Variants in EXTL3 observed in about 807,000 individuals in gnomAD.
The protein encoded by EXTL3 is exostosin like glycosyltransferase 3.
In EXTL3, 27 loss-of-function variants were observed where a neutral mutation model predicts 69.3. That is an observed-to-expected ratio of 0.39 (90% CI 0.29 to 0.54). The LOEUF (loss-of-function observed/expected upper bound fraction) is 0.54. EXTL3 is among the 20% of genes least tolerant of loss of function. EXTL3 has a pLI of 0.69. For missense variants in EXTL3, 1,003 were observed against 1,231.8 expected, an observed-to-expected ratio of 0.81 and a Z score of 2.78; for synonymous variants, 511 against 499.4, an observed-to-expected ratio of 1.02 and a Z score of -0.31.
chr8:28,692,267 C>T (rs1800625949), intron 1 of EXTL3, among the ~76,000 whole-genome samples: 1 of 152,134 alleles, frequency 6.6e-6, no homozygotes, highest in Non-Finnish European at 1.5e-5. Flanking sequence ...GAAATATGGT[C>T]ACATTTTCAT....
chr8:28,710,547 ATAT>A (rs1207710435), intron 1 of EXTL3: 1 of 449,742 alleles, frequency 2.2e-6, no homozygotes, highest in East Asian at 7.0e-5. Flanking sequence ...GATTACCCTA[ATAT>A]TGTGTTAAGT....
intron 1 of EXTL3, among the ~76,000 whole-genome samples, chr8:28,712,628 C>T (rs565873248): frequency 5.9e-5 from 9 of 152,132 alleles, no homozygotes; most frequent in African/African-American, 1.2e-4. Context: ...TGAGGGTATC[C>T]TTTTTCTTTT....
chr8:28,719,829 G>A (rs1801258414), intron 3 of EXTL3, among the ~76,000 whole-genome samples: 1 of 152,190 alleles, frequency 6.6e-6, no homozygotes, highest in African/African-American at 2.4e-5. Context: ...TGATAGGGAT[G>A]TAGAGAAGCT....
chr8:28,616,900 G>C (rs1806338975), intron 2 of EXTL3, among the ~76,000 whole-genome samples: 1 of 152,162 alleles, frequency 6.6e-6, no homozygotes, highest in South Asian at 2.1e-4. Context: ...GGACTTCCAG[G>C]CTTATTCTCA....
chr8:28,624,073 A>G (rs1406375875), intron 1 of EXTL3, among the ~76,000 whole-genome samples: 2 of 152,186 alleles, frequency 1.3e-5, no homozygotes, highest in African/African-American at 4.8e-5. Context: ...AATTGTTCTC[A>G]CCTTACCTAT....
chr8:28,704,718 A>T (rs762723993), intron 1 of EXTL3, among the ~76,000 whole-genome samples: 21 of 151,484 alleles, frequency 1.4e-4, no homozygotes, highest in Middle Eastern at 3.4e-3. Context: ...CGCCCAGGCT[A>T]GAGTGCAATG....
intron 1 of EXTL3, among the ~76,000 whole-genome samples, chr8:28,695,202 T>C (rs7013330): frequency 0.012 from 1,846 of 149,912 alleles, 41 homozygotes; most frequent in African/African-American, 0.042. Context: ...GCATCTTGGC[T>C]CACTGCAACC....
chr8:28,679,123 G>A (rs1294681484), intron 1 of EXTL3, among the ~76,000 whole-genome samples: 1 of 152,136 alleles, frequency 6.6e-6, no homozygotes, highest in African/African-American at 2.4e-5. Flanking sequence ...AAACCAAAGG[G>A]TCATTTTCTA....
chr8:28,638,496 G>T (rs886899130), intron 1 of EXTL3, among the ~76,000 whole-genome samples: 2 of 152,106 alleles, frequency 1.3e-5, no homozygotes, highest in African/African-American at 2.4e-5. Context: ...CCACTCTCAG[G>T]CAGCCTCTTT....
intron 1 of EXTL3, among the ~76,000 whole-genome samples, chr8:28,693,156 T>TC: frequency 6.6e-6 from 1 of 151,600 alleles, no homozygotes; most frequent in Admixed American, 6.6e-5. Flanking sequence ...AGATTTTTTT[T>TC]TTTTTTTTTT....
intron 1 of EXTL3, among the ~76,000 whole-genome samples, chr8:28,654,666 T>C (rs1806977545): frequency 6.6e-6 from 1 of 152,248 alleles, no homozygotes; most frequent in South Asian, 2.1e-4. Flanking sequence ...TCATCTCTAA[T>C]ACCATCTTCT....
At chr8:28,639,548 C>T (rs1397279119) in intron 1 of EXTL3, among the ~76,000 whole-genome samples, 1 of 152,204 alleles carries the variant, frequency 6.6e-6, no homozygotes, top group Non-Finnish European at 1.5e-5. Context: ...CTGCCTGCTG[C>T]GGCTCCTGCC....
chr8:28,747,632 G>A (rs572030320), intron 6 of EXTL3, among the ~76,000 whole-genome samples: 42 of 151,810 alleles, frequency 2.8e-4, no homozygotes, highest in African/African-American at 1.0e-3. Context: ...TTGGTTCTCT[G>A]GTATCCTGTC....
At chr8:28,722,774 TAAAAAAAAAAAA>T (rs397711641) in intron 3 of EXTL3, among the ~76,000 whole-genome samples, 3 of 97,604 alleles carry the variant, frequency 3.1e-5, no homozygotes, top group African/African-American at 8.1e-5. Flanking sequence ...ACCCTGTCTC[TAAAAAAAAAAAA>T]AAAAAAAAAA....
intron 6 of EXTL3, among the ~76,000 whole-genome samples, chr8:28,748,517 G>A (rs1801936312): frequency 6.6e-6 from 1 of 152,128 alleles, no homozygotes; most frequent in Non-Finnish European, 1.5e-5. Flanking sequence ...CAGAAAGGAA[G>A]CAGGTGGGAG....
chr8:28,728,091 G>A lies in EXTL3; in HGVS notation c.2149-3132G>A, dbSNP rs1801451260. 5.9e-5 allele frequency among the ~76,000 whole-genome samples: 9 copies of A among 152,362 alleles called. 1 individual carries two copies. The South Asian group carries it at 1.9e-3, about 32-fold the overall frequency. Reference sequence around the variant, plus strand: ...GTTCTGTACTGAGTGAATGCTAGGTGTGTTAGGTAAAGTGAATGTTCGAGG... The same window carrying A: ...GTTCTGTACTGAGTGAATGCTAGGTATGTTAGGTAAAGTGAATGTTCGAGG... On this transcript the variant is annotated intron_variant, in intron 3 of 6. Transcript: ENST00000220562.
At chr8:28,689,848 G>A (rs1800583375) in intron 1 of EXTL3, among the ~76,000 whole-genome samples, 1 of 152,218 alleles carries the variant, frequency 6.6e-6, no homozygotes, top group African/African-American at 2.4e-5. Context: ...TCCCTTGCTA[G>A]AGATGGATTA....
At chr8:28,660,607 C>T (rs1288672629) in intron 1 of EXTL3, among the ~76,000 whole-genome samples, 3 of 152,076 alleles carry the variant, frequency 2.0e-5, no homozygotes, top group Admixed American at 2.0e-4. Flanking sequence ...GTATTAAATA[C>T]ATTCATAATC....
At chr8:28,732,559 C>T (rs1801559950) in intron 4 of EXTL3, among the ~76,000 whole-genome samples, 1 of 152,148 alleles carries the variant, frequency 6.6e-6, no homozygotes, top group African/African-American at 2.4e-5. Flanking sequence ...AATTTTTCTC[C>T]AAACCCCTCA....
Sources: allele counts gnomAD v4.1 joint callset (sites outside exome capture counted in the v4.1 genomes callset), GRCh38; gene constraint gnomAD v4.1.1; transcripts MANE v1.5; gene names NCBI Gene and HGNC (gene_info 2026-07-23, HGNC 2026-07-21).